The following FMNL2 variants were observed in gnomAD, a reference collection of about 807,000 sequenced individuals.
The protein encoded by FMNL2 is formin-like protein 2.
A neutral mutation model predicts 130.2 loss-of-function variants in FMNL2; 51 were observed. The ratio of observed to expected loss-of-function variants is 0.39; its 90% CI spans 0.31 to 0.49. The LOEUF is 0.49. FMNL2 is among the 20% of genes least tolerant of loss of function. The probability of loss-of-function intolerance (pLI) is 0.85; values close to 1 mark genes in which losing one functional copy is unlikely to be tolerated. For synonymous variants in FMNL2, 465 were observed against 467.1 expected (o/e 1.00, Z 0.06); for missense variants, 977 against 1,316.2 (o/e 0.74, Z 3.99).
intron 1 of FMNL2, among the ~76,000 whole-genome samples, chr2:152,419,102 C>A (rs536316263): frequency 5.5e-4 from 84 of 151,630 alleles, no homozygotes; most frequent in African/African-American, 1.9e-3. Context: ...TATTTTTCAT[C>A]CTTGATCAGT....
chr2:152,437,846 G>T (rs1340371873), intron 1 of FMNL2, among the ~76,000 whole-genome samples: 1 of 152,122 alleles, frequency 6.6e-6, no homozygotes, highest in Non-Finnish European at 1.5e-5. Context: ...CTGTTTCTTC[G>T]ATTTATATAA....
intron 18 of FMNL2, among the ~76,000 whole-genome samples, chr2:152,629,337 A>T (rs1682011159): frequency 1.3e-5 from 2 of 152,150 alleles, no homozygotes; most frequent in Non-Finnish European, 2.9e-5. Flanking sequence ...CAGGAAATTG[A>T]GTTCTACCAG....
intron 1 of FMNL2, among the ~76,000 whole-genome samples, chr2:152,476,201 T>C (rs911626047): frequency 1.3e-5 from 2 of 152,362 alleles, no homozygotes; most frequent in African/African-American, 4.8e-5. Context: ...GGCATCAAAA[T>C]GCACCAAGAT....
chr2:152,336,425 G>C (rs1342866025), intron 1 of FMNL2, among the ~76,000 whole-genome samples: 1 of 152,166 alleles, frequency 6.6e-6, no homozygotes, highest in Non-Finnish European at 1.5e-5. Flanking sequence ...GGAGTTTTGC[G>C]GGGACGTGTT....
At chr2:152,446,756 G>A (rs773090005) in intron 1 of FMNL2, among the ~76,000 whole-genome samples, 1 of 152,154 alleles carries the variant, frequency 6.6e-6, no homozygotes, top group African/African-American at 2.4e-5. Flanking sequence ...AAAGGACTTC[G>A]TATGTGTGTA....
chr2:152,379,446 A>C (rs565208374), intron 1 of FMNL2, among the ~76,000 whole-genome samples: 39 of 152,350 alleles, frequency 2.6e-4, no homozygotes, highest in African/African-American at 8.7e-4. Context: ...CTGGTCTCAG[A>C]GATCTGGGCT....
chr2:152,412,642 TA>T (rs67223391), intron 1 of FMNL2, among the ~76,000 whole-genome samples: 46,635 of 149,616 alleles, frequency 0.31, 7,937 homozygotes, highest in African/African-American at 0.43. Context: ...CCCCATCTCT[TA>T]AAAAAAATAC....
intron 1 of FMNL2, among the ~76,000 whole-genome samples, chr2:152,415,381 T>G (rs902715176): frequency 2.0e-5 from 3 of 152,222 alleles, no homozygotes; most frequent in Non-Finnish European, 4.4e-5. Flanking sequence ...CTCTTCAGCC[T>G]TATCTGTACA....
intron 1 of FMNL2, among the ~76,000 whole-genome samples, chr2:152,361,638 T>G (rs1183615058): frequency 2.6e-5 from 4 of 152,154 alleles, no homozygotes; most frequent in Non-Finnish European, 4.4e-5. Context: ...GCTTTCTGAT[T>G]AACAGTTTAA....
intron 1 of FMNL2, among the ~76,000 whole-genome samples, chr2:152,430,326 C>T (rs961964851): frequency 6.6e-6 from 1 of 152,154 alleles, no homozygotes; most frequent in Admixed American, 6.5e-5. Flanking sequence ...GGGTTGCCAA[C>T]GTGCCCTTGT....
chr2:152,611,765 C>T (rs1192935979), intron 11 of FMNL2, among the ~76,000 whole-genome samples, 160 bp downstream of exon 11: 3 of 152,196 alleles, frequency 2.0e-5, no homozygotes, highest in Admixed American at 2.0e-4. Context: ...ATGTACTCTG[C>T]CAGAGATGCT....
chr2:152,365,918 G>T (rs1014643028), intron 1 of FMNL2, among the ~76,000 whole-genome samples: 4 of 152,160 alleles, frequency 2.6e-5, no homozygotes, highest in Admixed American at 6.5e-5. Context: ...ATTGATCCTT[G>T]TTTGCATCAG....
intron 1 of FMNL2, among the ~76,000 whole-genome samples, chr2:152,504,186 G>T (rs1434169016): frequency 1.3e-5 from 2 of 152,146 alleles, no homozygotes; most frequent in African/African-American, 4.8e-5. Flanking sequence ...GCGAGACTCT[G>T]GCTCAACAAT....
At chr2:152,531,274 G>C (rs1437965479) in intron 2 of FMNL2, among the ~76,000 whole-genome samples, 1 of 152,090 alleles carries the variant, frequency 6.6e-6, no homozygotes, top group Non-Finnish European at 1.5e-5. Flanking sequence ...CATTTAGAGG[G>C]ACCTCCTTTC....
chr2:152,403,617 G>A (rs923370997), intron 1 of FMNL2, among the ~76,000 whole-genome samples: 8 of 150,970 alleles, frequency 5.3e-5, no homozygotes, highest in Admixed American at 1.3e-4. Context: ...GACTTTTTGT[G>A]TGCCTTTGTA....
intron 1 of FMNL2, among the ~76,000 whole-genome samples, chr2:152,455,458 C>G (rs1688897035): frequency 6.6e-6 from 1 of 152,104 alleles, no homozygotes; most frequent in Non-Finnish European, 1.5e-5. Context: ...GAGGAAAGCT[C>G]TTGTTTGAAA....
At chr2:152,557,081 A>G (rs1000106635) in intron 4 of FMNL2, among the ~76,000 whole-genome samples, 2 of 152,200 alleles carry the variant, frequency 1.3e-5, no homozygotes, top group African/African-American at 4.8e-5. Flanking sequence ...CAAAAAAGAA[A>G]AAATTCTTTT....
chr2:152,560,683 A>G (rs1187954650), intron 5 of FMNL2, among the ~76,000 whole-genome samples, 200 bp from the exon 6 acceptor site: 1 of 152,154 alleles, frequency 6.6e-6, no homozygotes, highest in Non-Finnish European at 1.5e-5. Flanking sequence ...TGCCAGACCC[A>G]TTATTTGTCA....
At chr2:152,582,279 C>T (rs1350486488) in intron 9 of FMNL2, among the ~76,000 whole-genome samples, 1 of 152,144 alleles carries the variant, frequency 6.6e-6, no homozygotes, top group Non-Finnish European at 1.5e-5. Flanking sequence ...TCCCCTGCCT[C>T]CTACCTCCTT....
Sources: allele counts gnomAD v4.1 joint callset (sites outside exome capture counted in the v4.1 genomes callset), GRCh38; gene constraint gnomAD v4.1.1; transcripts MANE v1.5; gene names NCBI Gene and HGNC (gene_info 2026-07-23, HGNC 2026-07-21).